The following ZNF618 variants were observed in gnomAD, a reference collection of about 807,000 sequenced individuals.
ZNF618 encodes neural precursor cell expressed, developmentally down-regulated 10.
A neutral mutation model predicts 103.0 loss-of-function variants in ZNF618; 34 were observed. The ratio of observed to expected loss-of-function variants is 0.33; its 90% CI spans 0.25 to 0.44. The LOEUF (loss-of-function observed/expected upper bound fraction) is 0.44, where lower values mean the gene tolerates loss of function less well. ZNF618 is among the 20% of genes least tolerant of loss of function. The probability of loss-of-function intolerance (pLI) is 1.00; values close to 1 mark genes in which losing one functional copy is unlikely to be tolerated. For missense variants in ZNF618, 1,059 were observed against 1,295.4 expected, an observed-to-expected ratio of 0.82 and a Z score of 2.80; for synonymous variants, 551 against 542.2, an observed-to-expected ratio of 1.02 and a Z score of -0.23.
intron 9 of ZNF618, among the ~76,000 whole-genome samples, chr9:114,009,561 C>T (rs1189169269): frequency 6.6e-6 from 1 of 152,134 alleles, no homozygotes; most frequent in African/African-American, 2.4e-5. Flanking sequence ...CTTGTCCTTT[C>T]CAGCTGTTCA....
intron 1 of ZNF618, among the ~76,000 whole-genome samples, chr9:113,939,146 C>T (rs1834320230): frequency 6.6e-6 from 1 of 152,096 alleles, no homozygotes; most frequent in South Asian, 2.1e-4. Flanking sequence ...TGATATTGGG[C>T]ATTCTTGGTT....
At chr9:114,002,180 A>G in intron 5 of ZNF618, 107 bp downstream of exon 5, 3 of 964,440 alleles carry the variant, frequency 3.1e-6, no homozygotes, top group South Asian at 2.6e-5. Context: ...TGACAGCTCC[A>G]GCCTTTCCCA....
chr9:114,045,257 G>A (rs1044314776), intron 13 of ZNF618, among the ~76,000 whole-genome samples: 1 of 152,084 alleles, frequency 6.6e-6, no homozygotes, highest in African/African-American at 2.4e-5. Context: ...TATCCAGGCA[G>A]TGGTGTCAGG....
rs527710113 is a variant in ZNF618, at chr9:114,002,637, C to T, written c.525C>T (p.Thr175=). Residue 175 remains threonine (T), a synonymous_variant, in exon 6 of 15, where the codon ACC becomes ACT. Transcript: ENST00000374126. ...CTCTCTTTGCAGACACCGAAGCCAC[C>T]TCAGGGGAGGGAGCCTCCCAAAGCA... ...HVRAHRDTEA[T]SGEGASQSNN... The T allele has an allele frequency of 4.3e-4, 696 of 1,611,378 alleles. 5 individuals are homozygous for T. In the South Asian group the frequency reaches 7.3e-3, roughly 17 times the overall value.
chr9:113,892,940 C>G (rs1429830163), intron 1 of ZNF618, among the ~76,000 whole-genome samples: 2 of 152,172 alleles, frequency 1.3e-5, no homozygotes, highest in Non-Finnish European at 2.9e-5. Flanking sequence ...GTTGTGTTCT[C>G]TTGATGTACA....
intron 1 of ZNF618, among the ~76,000 whole-genome samples, chr9:113,951,451 G>A (rs1177838399): frequency 2.8e-4 from 3 of 10,652 alleles, no homozygotes; most frequent in African/African-American, 9.0e-4. Context: ...ACATATATGT[G>A]TATATATACA....
intron 5 of ZNF618, 120 bp from the exon 6 acceptor site, chr9:114,002,504 G>A (rs933752716): frequency 1.8e-6 from 2 of 1,098,494 alleles, no homozygotes; most frequent in Non-Finnish European, 2.6e-6. Context: ...TGGCATCAGG[G>A]GCCCGGTGCG....
At chr9:113,890,358 A>G (rs1259564867) in intron 1 of ZNF618, among the ~76,000 whole-genome samples, 1 of 152,222 alleles carries the variant, frequency 6.6e-6, no homozygotes, top group Non-Finnish European at 1.5e-5. Context: ...GATTTTACGC[A>G]AATGGGATTA....
At chr9:113,930,938 A>C (rs1418915106) in intron 1 of ZNF618, among the ~76,000 whole-genome samples, 5 of 152,238 alleles carry the variant, frequency 3.3e-5, no homozygotes, top group African/African-American at 1.2e-4. Context: ...TAAGCACCTG[A>C]CAATATTTTT....
chr9:113,898,289 A>G (rs1048934017), intron 1 of ZNF618, among the ~76,000 whole-genome samples: 2 of 151,946 alleles, frequency 1.3e-5, no homozygotes, highest in South Asian at 2.1e-4. Flanking sequence ...GCTTAACTCT[A>G]TTTTTGTCAC....
intron 2 of ZNF618, among the ~76,000 whole-genome samples, 160 bp downstream of exon 2, chr9:113,969,320 G>A (rs1837730843): frequency 6.6e-6 from 1 of 152,196 alleles, no homozygotes; most frequent in African/African-American, 2.4e-5. Flanking sequence ...AAGAATGTGA[G>A]GTCATAGAAA....
intron 13 of ZNF618, among the ~76,000 whole-genome samples, chr9:114,044,957 A>G (rs1316215985): frequency 6.6e-6 from 1 of 151,956 alleles, no homozygotes; most frequent in African/African-American, 2.4e-5. Context: ...TGAATTCATT[A>G]ATCAGTTCTA....
rs182463632 is a variant in ZNF618 at position 114,041,283 on chromosome 9, A to G, written c.1246+4906A>G. Among the ~76,000 whole-genome samples the G allele has an allele frequency of 8.7e-3, 1,325 of 152,106 alleles. 55 individuals are homozygous for G. Among genetic ancestry groups the G allele is most frequent in the Admixed American group, 0.072 (1,104 of 15,274 alleles). ...TTTTCTCCCATTCTGTAGGTTGCCT[A>G]TTCACTCTGATGGTAGTTTCTTTTG... On this transcript the variant is annotated intron_variant, in intron 13 of 14. Transcript: ENST00000374126.
rs566114799 is a variant in ZNF618, at chr9:113,892,830, C to T, written c.33+16417C>T. 8.7e-4 allele frequency among the ~76,000 whole-genome samples: 133 copies of T among 152,244 alleles called. 1 individual carries two copies. In the South Asian group the frequency reaches 9.8e-3, roughly 11 times the overall value. On this transcript the variant is annotated intron_variant, in intron 1 of 14. Transcript: ENST00000374126. ...CCCAAATGGTGAGCCCTTGCTATAACGCCAATAATTGAATGATCCATCTTT... is the reference window on the plus strand; with the variant it reads ...CCCAAATGGTGAGCCCTTGCTATAATGCCAATAATTGAATGATCCATCTTT...
At chr9:114,022,196 C>T (rs1403645114) in intron 10 of ZNF618, among the ~76,000 whole-genome samples, 1 of 151,848 alleles carries the variant, frequency 6.6e-6, no homozygotes, top group African/African-American at 2.4e-5. Flanking sequence ...GTAGTTGTGC[C>T]ATTTTACATT....
intron 1 of ZNF618, among the ~76,000 whole-genome samples, chr9:113,916,668 T>G (rs1017603152): frequency 6.6e-6 from 1 of 152,196 alleles, no homozygotes; most frequent in African/African-American, 2.4e-5. Flanking sequence ...AGATGAGAAC[T>G]GATGAGCTTT....
At chr9:114,001,557 AGTCT>A (rs1323933053) in intron 4 of ZNF618, among the ~76,000 whole-genome samples, 1 of 152,232 alleles carries the variant, frequency 6.6e-6, no homozygotes, top group East Asian at 1.9e-4. Flanking sequence ...TGTCTGATTC[AGTCT>A]GTCTGTCTTA....
At chr9:114,035,041 C>A (rs908966887) in intron 12 of ZNF618, 2 of 430,330 alleles carry the variant, frequency 4.6e-6, no homozygotes, top group Admixed American at 6.4e-5. Context: ...CTCCCTGCAA[C>A]CCCACCCCAG....
chr9:113,881,980 G>A (rs1356479439), intron 1 of ZNF618, among the ~76,000 whole-genome samples: 1 of 152,220 alleles, frequency 6.6e-6, no homozygotes, highest in East Asian at 1.9e-4. Flanking sequence ...CCGGGAGGCT[G>A]TTGCTTTTTG....
Sources: allele counts gnomAD v4.1 joint callset (sites outside exome capture counted in the v4.1 genomes callset), GRCh38; gene constraint gnomAD v4.1.1; transcripts MANE v1.5; gene names NCBI Gene and HGNC (gene_info 2026-07-23, HGNC 2026-07-21).